The following LINGO1 variants were observed in gnomAD, a reference collection of about 807,000 sequenced individuals.
LINGO1 encodes the protein leucine-rich repeat and immunoglobulin-like domain-containing nogo receptor-interacting protein 1.
LINGO1 carries 11 observed loss-of-function variants against 37.3 expected under a neutral mutation model. The ratio of observed to expected loss-of-function variants is 0.29; its 90% confidence interval spans 0.19 to 0.49. LINGO1 has a LOEUF of 0.49. Among genes scored for constraint, LINGO1 ranks in the 20% least tolerant of loss-of-function variants. The pLI is 0.99. For synonymous variants in LINGO1, 387 were observed against 403.0 expected (o/e 0.96, Z 0.48); for missense variants, 585 against 878.2 (o/e 0.67, Z 4.22).
intron 2 of LINGO1, among the ~76,000 whole-genome samples, chr15:77,714,557 G>A (rs56391344): frequency 0.19 from 29,229 of 152,002 alleles, 3,132 homozygotes; most frequent in Middle Eastern, 0.28. Flanking sequence ...TGAGGGCCCC[G>A]TTGCCCAGTC....
intron 1 of LINGO1, among the ~76,000 whole-genome samples, chr15:77,745,455 A>G (rs2076305065): frequency 6.7e-6 from 1 of 149,560 alleles, no homozygotes; most frequent in East Asian, 1.9e-4. Flanking sequence ...AGCTGTCCCC[A>G]GCAGAGACCC....
chr15:77,743,018 C>T (rs563441983), intron 1 of LINGO1, among the ~76,000 whole-genome samples: 90 of 152,302 alleles, frequency 5.9e-4, no homozygotes, highest in Non-Finnish European at 4.9e-4. Flanking sequence ...GCCCCCAGCC[C>T]GACGCCCAAC....
At chr15:77,633,864 G>A (rs1447165940), upstream of LINGO1, among the ~76,000 whole-genome samples, 2 of 152,194 alleles carry the variant, frequency 1.3e-5, no homozygotes, top group Non-Finnish European at 2.9e-5. Context: ...CTGCAGAGTA[G>A]GTTACCACCC....
chr15:77,654,870 T>C lies in LINGO1; in HGVS notation c.-13+22219A>G, dbSNP rs188342264. On this transcript the variant is annotated intron_variant, in intron 3 of 3. Transcript: ENST00000559893. ...CTTGGCACAGAGTAGGACTCAATAC[T>C]TGGGCTCTGTTGCTATTGGAGGCAC... Among the ~76,000 whole-genome samples the C allele has an allele frequency of 7.9e-4, 121 of 152,320 alleles. 2 individuals carry two copies. The East Asian group carries it at 0.017, about 22-fold the overall frequency.
At chr15:77,780,298 G>A (rs1336489269) in intron 1 of LINGO1, among the ~76,000 whole-genome samples, 1 of 152,282 alleles carries the variant, frequency 6.6e-6, no homozygotes, top group African/African-American at 2.4e-5. Flanking sequence ...CTGAAAGGGA[G>A]AACATGGCAG....
chr15:77,734,560 C>A (rs2076184886), intron 2 of LINGO1, among the ~76,000 whole-genome samples: 1 of 151,810 alleles, frequency 6.6e-6, no homozygotes, highest in Admixed American at 6.5e-5. Flanking sequence ...GCACACCCTG[C>A]CCCAACAGAT....
chr15:77,787,806 A>G (rs1411631271), upstream of LINGO1: 7 of 152,154 alleles, frequency 4.6e-5, no homozygotes, highest in African/African-American at 1.7e-4. Context: ...GGCATCTCAC[A>G]AATAAGAATC....
chr15:77,632,386 C>A lies in LINGO1; in HGVS notation c.-71G>T. On this transcript the variant is annotated 5_prime_UTR_variant, in exon 1 of 2. Coordinates refer to ENST00000355300, the MANE Select transcript of LINGO1 (RefSeq NM_032808.7). The surrounding 1 kb of genome is among the most constrained non-coding windows in gnomAD (Gnocchi z 6.0). ...TCTCTCCAGCCGGCCCGACCAGGCC[C>A]CAGCCCCTGCCCAGCCCCCTCCTCC... 1 of 1,329,736 alleles carries A rather than the reference C, an allele frequency of 7.5e-7. No homozygotes were observed. Among genetic ancestry groups the A allele is most frequent in the Non-Finnish European group, 9.7e-7 (1 of 1,035,490 alleles). 82.4% of individuals were successfully genotyped at this position (1,329,736 alleles called of 1,614,324 possible). A position where few individuals can be genotyped will look rare whatever the true frequency, so the allele number is the denominator to read the frequency against.
At chr15:77,801,351 C>G (rs1221443399) in intron 1 of LINGO1, among the ~76,000 whole-genome samples, 1 of 152,170 alleles carries the variant, frequency 6.6e-6, no homozygotes, top group African/African-American at 2.4e-5. Flanking sequence ...CAGAGTGAGG[C>G]ACGTCTATGT....
At chr15:77,746,481 C>T (rs1372273194) in intron 1 of LINGO1, among the ~76,000 whole-genome samples, 3 of 152,206 alleles carry the variant, frequency 2.0e-5, no homozygotes, top group Non-Finnish European at 4.4e-5. Context: ...GCCCTGATTG[C>T]CCCAGAACTC....
chr15:77,767,099 C>T (rs2076537599), intron 1 of LINGO1, among the ~76,000 whole-genome samples: 1 of 152,102 alleles, frequency 6.6e-6, no homozygotes, highest in Non-Finnish European at 1.5e-5. Context: ...AAAACTTTTC[C>T]AGAGCAAAAA....
upstream of LINGO1, chr15:77,634,418 A>G (rs1353676936): frequency 2.2e-6 from 1 of 446,652 alleles, no homozygotes; most frequent in Non-Finnish European, 4.5e-6. Flanking sequence ...AGTCCCTCCT[A>G]GCAGGCGTCC....
chr15:77,693,283 G>A (rs967287905), intron 1 of LINGO1, among the ~76,000 whole-genome samples: 3 of 152,198 alleles, frequency 2.0e-5, no homozygotes, highest in African/African-American at 7.2e-5. Context: ...ACTCTCATGA[G>A]GACAGGGGAT....
intron 3 of LINGO1, chr15:77,641,957 G>A (rs1368539601): frequency 2.2e-6 from 1 of 456,660 alleles, no homozygotes. Context: ...AGTGGTCTTG[G>A]GTAAGTCACC....
chr15:77,762,231 G>A (rs1174563141), intron 1 of LINGO1, among the ~76,000 whole-genome samples: 3 of 152,202 alleles, frequency 2.0e-5, no homozygotes, highest in Non-Finnish European at 4.4e-5. Flanking sequence ...GACAGTGTGT[G>A]CAGGCCAGTC....
At chr15:77,641,832 A>T in intron 3 of LINGO1, 1 of 456,002 alleles carries the variant, frequency 2.2e-6, no homozygotes, top group Non-Finnish European at 4.4e-6. Flanking sequence ...GCGACAGAGG[A>T]TGTCAGAGGT....
At chr15:77,795,338 C>T (rs1346201528) in intron 2 of LINGO1, among the ~76,000 whole-genome samples, 8 of 152,192 alleles carry the variant, frequency 5.3e-5, no homozygotes, top group Non-Finnish European at 8.8e-5. Flanking sequence ...TCGCCTCCCA[C>T]ATTCTGGGGG....
At chr15:77,691,439 C>G (rs1264026619) in intron 1 of LINGO1, among the ~76,000 whole-genome samples, 1 of 152,112 alleles carries the variant, frequency 6.6e-6, no homozygotes, top group Non-Finnish European at 1.5e-5. Context: ...TCATGTTCAT[C>G]GCCAGCAGTG....
At chr15:77,764,115 G>A (rs987480677) in intron 1 of LINGO1, among the ~76,000 whole-genome samples, 2 of 152,200 alleles carry the variant, frequency 1.3e-5, no homozygotes, top group South Asian at 2.1e-4. Context: ...CTTGTGCACT[G>A]TATGCATTTT....
Sources: allele counts gnomAD v4.1 joint callset (sites outside exome capture counted in the v4.1 genomes callset), GRCh38; gene constraint gnomAD v4.1.1; non-coding constraint Gnocchi (gnomAD v3.1); transcripts MANE v1.5; gene names NCBI Gene and HGNC (gene_info 2026-07-23, HGNC 2026-07-21).